The following PTPRD variants were observed in gnomAD, a reference collection of about 807,000 sequenced individuals.
PTPRD encodes the protein protein tyrosine phosphatase receptor type D.
In PTPRD, 34 loss-of-function variants were observed where a neutral mutation model predicts 214.5. The ratio of observed to expected loss-of-function variants is 0.16; its 90% confidence interval spans 0.12 to 0.21. The LOEUF (loss-of-function observed/expected upper bound fraction) is 0.21. Among genes scored for constraint, PTPRD ranks in the 10% least tolerant of loss-of-function variants. The pLI is 1.00. For missense variants in PTPRD, 2,545 were observed against 2,398.7 expected, an observed-to-expected ratio of 1.06 and a Z score of -1.27; for synonymous variants, 1,128 against 845.7, an observed-to-expected ratio of 1.33 and a Z score of -5.79.
intron 9 of PTPRD, among the ~76,000 whole-genome samples, chr9:9,184,757 G>A (rs572917517): frequency 8.6e-5 from 13 of 151,910 alleles, no homozygotes; most frequent in Non-Finnish European, 1.3e-4. Flanking sequence ...CTGAGCGCTT[G>A]ACACAGAAAA....
At chr9:9,203,169 G>T (rs2099942875) in intron 9 of PTPRD, among the ~76,000 whole-genome samples, 1 of 152,042 alleles carries the variant, frequency 6.6e-6, no homozygotes. Flanking sequence ...GGCGGAGGTT[G>T]CAGCGAGCCG....
chr9:10,519,453 A>T (rs1422993246), intron 2 of PTPRD, among the ~76,000 whole-genome samples: 1 of 152,128 alleles, frequency 6.6e-6, no homozygotes, highest in Non-Finnish European at 1.5e-5. Context: ...ACAATTAACC[A>T]ATATATGCCA....
chr9:9,194,991 G>A (rs1021248792), intron 9 of PTPRD, among the ~76,000 whole-genome samples: 1 of 151,010 alleles, frequency 6.6e-6, no homozygotes, highest in East Asian at 2.0e-4. Context: ...CTACGTGTGT[G>A]TGTGTGTGTA....
chr9:9,254,832 C>T (rs921779054), intron 9 of PTPRD, among the ~76,000 whole-genome samples: 2 of 151,954 alleles, frequency 1.3e-5, no homozygotes, highest in Admixed American at 6.6e-5. Context: ...TTGAATTCCT[C>T]CAGTTGTAGG....
chr9:8,331,874 A>AAAAAGTTAGG, intron 43 of PTPRD, 138 bp from the exon 44 acceptor site: 1 of 998,352 alleles, frequency 1.0e-6, no homozygotes, highest in African/African-American at 1.6e-5. Context: ...GTTTAAATAG[A>AAAAAGTTAGG]AACTTAGTTA....
intron 2 of PTPRD, among the ~76,000 whole-genome samples, chr9:10,582,168 C>A (rs2072111760): frequency 6.6e-6 from 1 of 152,120 alleles, no homozygotes. Flanking sequence ...TAGAATATAG[C>A]TCAAGGTGCC....
chr9:10,224,628 G>A (rs1594717380), intron 3 of PTPRD, among the ~76,000 whole-genome samples: 1 of 152,016 alleles, frequency 6.6e-6, no homozygotes, highest in East Asian at 1.9e-4. Flanking sequence ...AATATTGATA[G>A]TTTCTTGTTA....
At chr9:9,068,393 G>C (rs994173002) in intron 10 of PTPRD, among the ~76,000 whole-genome samples, 2 of 152,110 alleles carry the variant, frequency 1.3e-5, no homozygotes, top group Non-Finnish European at 2.9e-5. Flanking sequence ...CATAGTAATT[G>C]CTTGTTTACT....
At chr9:9,847,107 A>G (rs190204171) in intron 5 of PTPRD, among the ~76,000 whole-genome samples, 2 of 152,272 alleles carry the variant, frequency 1.3e-5, no homozygotes, top group African/African-American at 4.8e-5. Flanking sequence ...TAACTTAAAT[A>G]CTCTTAAGTA....
intron 7 of PTPRD, among the ~76,000 whole-genome samples, chr9:9,676,790 G>T (rs1412094849): frequency 2.0e-5 from 3 of 152,040 alleles, no homozygotes; most frequent in African/African-American, 7.2e-5. Flanking sequence ...AGCACCTGTT[G>T]TTTCCTGACT....
chr9:8,425,435 C>A (rs1293185124), intron 35 of PTPRD, among the ~76,000 whole-genome samples: 1 of 112,974 alleles, frequency 8.9e-6, no homozygotes, highest in African/African-American at 3.2e-5. Context: ...CCTCACCTCT[C>A]AGCAGCATGA....
chr9:9,835,419 G>C (rs767206231), intron 5 of PTPRD, among the ~76,000 whole-genome samples: 3 of 152,116 alleles, frequency 2.0e-5, no homozygotes, highest in Non-Finnish European at 2.9e-5. Context: ...TTTCTAACTT[G>C]TAAAGGTGGC....
At chr9:9,775,981 C>CAAAAAAAAAAA (rs1454097319) in intron 5 of PTPRD, among the ~76,000 whole-genome samples, 5 of 86,344 alleles carry the variant, frequency 5.8e-5, no homozygotes, top group South Asian at 4.2e-4. Flanking sequence ...AAAAAAAAAG[C>CAAAAAAAAAAA]AAATCCTTTT....
At chr9:8,522,256 T>C (rs1047565165) in intron 19 of PTPRD, among the ~76,000 whole-genome samples, 4 of 152,070 alleles carry the variant, frequency 2.6e-5, no homozygotes, top group Non-Finnish European at 2.9e-5. Flanking sequence ...GTGCTAAGGA[T>C]ATTGAAAGAA....
intron 10 of PTPRD, among the ~76,000 whole-genome samples, chr9:9,133,450 T>C (rs1157184296): frequency 2.0e-5 from 3 of 152,184 alleles, no homozygotes; most frequent in Admixed American, 2.0e-4. Flanking sequence ...AGATGGTCAA[T>C]TCATTTTAAG....
rs952080514 is a variant in PTPRD at position 9,326,795 on chromosome 9, A to G, written c.-203+70654T>C. 4.6e-5 allele frequency among the ~76,000 whole-genome samples: 7 copies of G among 152,232 alleles called. 1 individual carries two copies. The highest frequency in any genetic ancestry group is 1.7e-4 in the African/African-American group (7 of 41,558). ...GAGGGGAAAAAAAAGGTATTTTTTC[A>G]TGATTTACTAGAAGAAACTATTTCA... On this transcript the variant is annotated intron_variant, in intron 9 of 45. Coordinates refer to ENST00000381196, the MANE Select transcript of PTPRD (RefSeq NM_002839.4).
chr9:9,858,215 G>A (rs2061944536), intron 5 of PTPRD, among the ~76,000 whole-genome samples: 1 of 152,104 alleles, frequency 6.6e-6, no homozygotes, highest in South Asian at 2.1e-4. Context: ...ATGATGCTCT[G>A]GAAGCCCTAT....
At chr9:9,381,700 TG>T (rs1428632128) in intron 9 of PTPRD, among the ~76,000 whole-genome samples, 13 of 139,828 alleles carry the variant, frequency 9.3e-5, no homozygotes, top group African/African-American at 2.9e-4. Context: ...TTTTGTTTTT[TG>T]TTTTTTGTTT....
intron 3 of PTPRD, among the ~76,000 whole-genome samples, chr9:10,328,870 G>T (rs142884832): frequency 6.3e-4 from 95 of 151,850 alleles, no homozygotes; most frequent in African/African-American, 2.2e-3. Flanking sequence ...CATTTCGATG[G>T]AAGATCTCTG....
Sources: gnomAD v4.1 joint callset for allele counts (sites outside exome capture counted in the v4.1 genomes callset) on GRCh38, gnomAD v4.1.1 for gene constraint, MANE v1.5 for transcripts, NCBI Gene and HGNC (gene_info 2026-07-23, HGNC 2026-07-21) for gene names.